Variants in ENOX2 observed in about 807,000 individuals in gnomAD.
ENOX2 encodes ecto-NOX disulfide-thiol exchanger 2.
A neutral mutation model predicts 45.0 loss-of-function variants in ENOX2; 36 were observed. The ratio of observed to expected loss-of-function variants is 0.80; its 90% CI spans 0.61 to 1.06. The LOEUF (loss-of-function observed/expected upper bound fraction) is 1.06, where lower values mean the gene tolerates loss of function less well. Among genes scored for constraint, ENOX2 ranks in the 50% least tolerant of loss-of-function variants. The pLI, the probability that ENOX2 is intolerant of heterozygous loss-of-function variation, is 0.00. For missense variants in ENOX2, 423 were observed against 462.5 expected (o/e 0.91, Z 0.78); for synonymous variants, 174 against 152.3 (o/e 1.14, Z -1.05).
chrX:130,794,379 T>TA (rs1445999114), intron 2 of ENOX2, among the ~76,000 whole-genome samples: 42 of 112,539 alleles, frequency 3.7e-4, no homozygotes, highest in South Asian at 7.4e-4. Flanking sequence ...ATTGATTTCA[T>TA]AAAACTGAGG....
chrX:130,875,666 T>C (rs1364692191), intron 2 of ENOX2, among the ~76,000 whole-genome samples: 15 of 111,627 alleles, frequency 1.3e-4, no homozygotes, highest in Non-Finnish European at 3.8e-5. Flanking sequence ...AATCGGATCA[T>C]AGGCCTATAT....
rs1241992590 is a variant in ENOX2, at chrX:130,784,967, T to TA, written c.-182-1278dup. Among the ~76,000 whole-genome samples, 473 of 98,743 alleles carry TA rather than the reference T, an allele frequency of 4.8e-3. 2 individuals carry two copies. Among genetic ancestry groups the TA allele is most frequent in the African/African-American group, 0.015 (404 of 27,301 alleles). 85.7% of individuals were successfully genotyped at this position (98,743 alleles called of 115,157 possible). A position where few individuals can be genotyped will look rare whatever the true frequency, so the allele number is the denominator to read the frequency against. The stretch of plus-strand genomic sequence containing the variant: ...TGAGGTAATGTTGTAAATTGTCAGT[T>TA]AAAAAAAAAAAAACCTTGAAATCCA... On this transcript the variant is annotated intron_variant, in intron 2 of 14. Coordinates refer to ENST00000394363, the MANE Select transcript of ENOX2 (RefSeq NM_006375.4).
intron 2 of ENOX2, among the ~76,000 whole-genome samples, chrX:130,808,726 T>C (rs1051910461): frequency 2.7e-5 from 3 of 111,608 alleles, no homozygotes; most frequent in African/African-American, 9.8e-5. Context: ...GCAAATAGCC[T>C]AGCAAGACTA....
Position 130,635,233 on chromosome X carries a change from G to A in ENOX2, c.1312-142C>T, listed in dbSNP as rs1454635982. 4 of 383,240 alleles carry A rather than the reference G, an allele frequency of 1.0e-5. 1 individual carries two copies. The highest frequency in any genetic ancestry group is 1.8e-5 in the Non-Finnish European group (4 of 225,310). 31.6% of individuals were successfully genotyped at this position (383,240 alleles called of 1,213,427 possible). A position where few individuals can be genotyped will look rare whatever the true frequency, so the allele number is the denominator to read the frequency against. On this transcript the variant is annotated intron_variant, in intron 11 of 14. Transcript: ENST00000394363. Reference sequence around the variant, plus strand: ...GACCATTTTTCCATAAAGAGATTGGGCAAATCAAGATATTTTCACTTTACG... The same window carrying A: ...GACCATTTTTCCATAAAGAGATTGGACAAATCAAGATATTTTCACTTTACG...
chrX:130,742,862 C>G (rs2039017593), intron 3 of ENOX2, among the ~76,000 whole-genome samples: 1 of 112,196 alleles, frequency 8.9e-6, no homozygotes, highest in African/African-American at 3.2e-5. Flanking sequence ...CCAGAATATG[C>G]TTTCTCCTGA....
At chrX:130,630,954 T>G (rs1230227030) in intron 13 of ENOX2, among the ~76,000 whole-genome samples, 1 of 83,020 alleles carries the variant, frequency 1.2e-5, no homozygotes, top group Non-Finnish European at 2.4e-5. Context: ...GTATCTGGTG[T>G]CTGGAGGTTA....
intron 3 of ENOX2, among the ~76,000 whole-genome samples, chrX:130,734,195 T>C (rs754117188): frequency 5.4e-5 from 6 of 111,708 alleles, no homozygotes; most frequent in Non-Finnish European, 1.1e-4. Context: ...GGGATATTAG[T>C]TATTGCTCTT....
At chrX:130,792,788 C>T (rs2077062630) in intron 2 of ENOX2, among the ~76,000 whole-genome samples, 1 of 111,285 alleles carries the variant, frequency 9.0e-6, no homozygotes, top group South Asian at 3.8e-4. Context: ...AGCAAGGCTC[C>T]ATCTAAAAAA....
chrX:130,756,009 A>G (rs975631887), intron 3 of ENOX2, among the ~76,000 whole-genome samples: 4 of 111,613 alleles, frequency 3.6e-5, no homozygotes, highest in Non-Finnish European at 7.5e-5. Context: ...TTTATCCTCA[A>G]AAGTTGTCAG....
chrX:130,711,455 G>C lies in ENOX2; in HGVS notation c.-38-8201C>G, dbSNP rs897259817. Among the ~76,000 whole-genome samples, 3 of 110,628 alleles carry C rather than the reference G, an allele frequency of 2.7e-5. No individual in the cohort carries two copies. The South Asian group carries it at 1.2e-3, about 44-fold the overall frequency. On this transcript the variant is annotated intron_variant, in intron 3 of 14. Coordinates refer to ENST00000394363, the MANE Select transcript of ENOX2 (RefSeq NM_006375.4). Reference sequence around the variant, plus strand: ...GTAATACAAGGCTCCCAGATGGCTTGAGAGAGATGATGCTATTAGACAAGC... The same window carrying C: ...GTAATACAAGGCTCCCAGATGGCTTCAGAGAGATGATGCTATTAGACAAGC...
chrX:130,663,673 A>G (rs1463861437), intron 9 of ENOX2, among the ~76,000 whole-genome samples: 1 of 111,387 alleles, frequency 9.0e-6, no homozygotes, highest in African/African-American at 3.3e-5. Context: ...CTTCTAACCC[A>G]AAGAGGAGTT....
At position 130,703,229 on chromosome X, in the gene ENOX2, C is replaced by G. The variant is rs369086251; in HGVS notation, c.-13G>C. 8.3e-7 allele frequency: 1 copy of G among 1,203,084 alleles called. No homozygotes were observed. The highest frequency in any genetic ancestry group is 2.2e-5 in the Admixed American group (1 of 45,345). On this transcript the variant is annotated 5_prime_UTR_variant, in exon 4 of 15. Transcript: ENST00000394363. ...TAGGTAGTGTCATTGCAGTGGAATC[C>G]ACGTTCAGAGTTCTACTGTTATCGG...
chrX:130,780,373 TTAGAAA>T (rs984602144), intron 3 of ENOX2, among the ~76,000 whole-genome samples: 7 of 111,848 alleles, frequency 6.3e-5, no homozygotes, highest in Non-Finnish European at 1.1e-4. Flanking sequence ...AGCATAGTAG[TTAGAAA>T]TAGACTTTGG....
chrX:130,873,910 G>A (rs1320725529), intron 2 of ENOX2, among the ~76,000 whole-genome samples: 1 of 110,214 alleles, frequency 9.1e-6, no homozygotes, highest in Non-Finnish European at 1.9e-5. Context: ...GGGGGACTAG[G>A]GGAGGAATAG....
At chrX:130,810,085 C>CT (rs1374061592) in intron 2 of ENOX2, among the ~76,000 whole-genome samples, 1 of 110,743 alleles carries the variant, frequency 9.0e-6, no homozygotes, top group East Asian at 2.8e-4. Context: ...GTCAATCCCT[C>CT]TCCCAACCCC....
intron 2 of ENOX2, among the ~76,000 whole-genome samples, chrX:130,868,774 T>C (rs2078527803): frequency 9.0e-6 from 1 of 111,639 alleles, no homozygotes; most frequent in Non-Finnish European, 1.9e-5. Flanking sequence ...CTTACTGATA[T>C]CCTAGATACC....
At chrX:130,649,468 T>C (rs1189426704) in intron 10 of ENOX2, among the ~76,000 whole-genome samples, 2 of 111,436 alleles carry the variant, frequency 1.8e-5, no homozygotes, top group Admixed American at 1.9e-4. Flanking sequence ...TGTGGTCAGA[T>C]GGTCTATCCA....
Position 130,703,122 on chromosome X carries a change from G to T in ENOX2, c.95C>A (p.Pro32His), listed in dbSNP as rs1294802388. Reference sequence around the variant, plus strand: ...CGAGGTGATTAAAAATAACATACCAGGTAAAATTGGTTGTCCGGCAATTCC... The same window carrying T: ...CGAGGTGATTAAAAATAACATACCATGTAAAATTGGTTGTCCGGCAATTCC... ...PLGIAGQPILPDFDPALGMMT... is the reference protein window; with the variant it reads ...PLGIAGQPILHDFDPALGMMT... The change falls in exon 4 of 15, where the codon CCT becomes CAT. Residue 32 changes from proline to histidine, a missense_variant and splice_region_variant. Pro to His is a moderately conservative substitution (Grantham distance 77). Around this residue, in one of 5 missense-constraint regions of ENOX2, gnomAD observed 261 missense variants for 306.8 expected, o/e 0.85. Coordinates refer to ENST00000394363, the MANE Select transcript of ENOX2 (RefSeq NM_006375.4). 8.3e-7 allele frequency: 1 copy of T among 1,205,416 alleles called. No individual in the cohort carries two copies. Among genetic ancestry groups the T allele is most frequent in the Admixed American group, 2.2e-5 (1 of 45,318 alleles).
intron 3 of ENOX2, among the ~76,000 whole-genome samples, chrX:130,724,288 C>T (rs908005550): frequency 2.7e-5 from 3 of 112,381 alleles, no homozygotes; most frequent in Admixed American, 1.9e-4. Flanking sequence ...GAGATAATAT[C>T]GGGGAATCAG....
Sources: gnomAD v4.1 joint callset for allele counts (sites outside exome capture counted in the v4.1 genomes callset) on GRCh38, gnomAD v4.1.1 for gene constraint, gnomAD v4.1.1 regional missense constraint, MANE v1.5 for transcripts, NCBI Gene and HGNC (gene_info 2026-07-23, HGNC 2026-07-21) for gene names.